Variants in CSMD1 observed in about 807,000 individuals in gnomAD.
The protein encoded by CSMD1 is CUB and sushi domain-containing protein 1.
CSMD1 carries 213 observed loss-of-function variants against 417.5 expected under a neutral mutation model. That is an observed-to-expected ratio of 0.51 (90% CI 0.46 to 0.57). The LOEUF (loss-of-function observed/expected upper bound fraction) is 0.57, where lower values mean the gene tolerates loss of function less well. CSMD1 is among the 20% of genes least tolerant of loss of function. CSMD1 has a pLI of 0.00. For missense variants in CSMD1, 6,923 were observed against 4,529.7 expected (o/e 1.53, Z -15.17); for synonymous variants, 2,862 against 1,736.8 (o/e 1.65, Z -16.11).
chr8:3,115,388 G>C (rs951519919), intron 42 of CSMD1, among the ~76,000 whole-genome samples: 3 of 152,100 alleles, frequency 2.0e-5, no homozygotes, highest in Non-Finnish European at 2.9e-5. Flanking sequence ...TTTTAGTAGA[G>C]TTGGGGTTTT....
intron 5 of CSMD1, among the ~76,000 whole-genome samples, chr8:3,824,240 A>G (rs979055020): frequency 4.0e-5 from 6 of 150,966 alleles, no homozygotes; most frequent in African/African-American, 7.4e-5. Flanking sequence ...GAAATTCCAA[A>G]AAAACAAAAA....
intron 1 of CSMD1, among the ~76,000 whole-genome samples, chr8:4,734,275 G>A (rs1379003356): frequency 1.3e-5 from 2 of 152,136 alleles, no homozygotes; most frequent in Admixed American, 6.5e-5. Context: ...TTTAAAAAAT[G>A]TGATATATTG....
Position 3,942,300 on chromosome 8 carries a change from C to T in CSMD1, c.818+55603G>A, listed in dbSNP as rs75039948. Among the ~76,000 whole-genome samples the T allele has an allele frequency of 7.6e-3, 1,155 of 152,130 alleles. 14 individuals are homozygous for T. The highest frequency in any genetic ancestry group is 0.026 in the African/African-American group (1,090 of 41,506). On this transcript the variant is annotated intron_variant, in intron 5 of 69. Transcript: ENST00000635120. ...CGCTTGAATCATCCTGAAACCAATCCCTCCTCTTCCAGTGGAAAAATTGTC... is the reference window on the plus strand; with the variant it reads ...CGCTTGAATCATCCTGAAACCAATCTCTCCTCTTCCAGTGGAAAAATTGTC...
At chr8:4,266,170 C>G (rs555711236) in intron 3 of CSMD1, among the ~76,000 whole-genome samples, 5 of 104,398 alleles carry the variant, frequency 4.8e-5, no homozygotes, top group South Asian at 3.8e-4. Context: ...CACCAAAAAC[C>G]CAGTGTTATT....
intron 1 of CSMD1, among the ~76,000 whole-genome samples, chr8:4,639,894 T>C (rs1214847475): frequency 2.6e-5 from 4 of 152,242 alleles, no homozygotes; most frequent in South Asian, 2.1e-4. Context: ...TAAATTTAAG[T>C]CCAATAATAA....
At chr8:4,909,201 C>T (rs1247242768) in intron 1 of CSMD1, among the ~76,000 whole-genome samples, 6 of 152,086 alleles carry the variant, frequency 3.9e-5, no homozygotes, top group African/African-American at 4.8e-5. Flanking sequence ...TGCAGGAGGC[C>T]TGTTGCTGTG....
intron 3 of CSMD1, among the ~76,000 whole-genome samples, chr8:4,330,687 T>G (rs1182401932): frequency 1.3e-5 from 2 of 152,132 alleles, no homozygotes; most frequent in African/African-American, 4.8e-5. Context: ...CTCCTAGGTG[T>G]TTGCTCAATT....
At chr8:4,155,413 A>T (rs1197729672) in intron 3 of CSMD1, among the ~76,000 whole-genome samples, 1 of 152,194 alleles carries the variant, frequency 6.6e-6, no homozygotes, top group East Asian at 1.9e-4. Flanking sequence ...TATAAATCAG[A>T]ACTTGCCTCT....
intron 8 of CSMD1, among the ~76,000 whole-genome samples, chr8:3,613,618 T>C (rs1402342086): frequency 6.6e-6 from 1 of 151,618 alleles, no homozygotes; most frequent in Non-Finnish European, 1.5e-5. Context: ...TAAGCCCTCA[T>C]ATTCACAAAA....
chr8:3,971,681 G>C (rs1452875698), intron 5 of CSMD1, among the ~76,000 whole-genome samples: 2 of 152,104 alleles, frequency 1.3e-5, no homozygotes, highest in African/African-American at 2.4e-5. Context: ...GTACTCAGAG[G>C]GAGAAAGGAT....
At chr8:4,349,137 G>T (rs894056693) in intron 3 of CSMD1, among the ~76,000 whole-genome samples, 10 of 152,144 alleles carry the variant, frequency 6.6e-5, no homozygotes, top group African/African-American at 1.9e-4. Context: ...GTCTGAATCC[G>T]AATACAGAGC....
At chr8:4,454,083 A>C (rs1799325032) in intron 2 of CSMD1, among the ~76,000 whole-genome samples, 3 of 151,920 alleles carry the variant, frequency 2.0e-5, no homozygotes, top group Admixed American at 2.0e-4. Flanking sequence ...CGGCCTCCCT[A>C]AGTGCTGGGA....
Position 4,855,270 on chromosome 8 carries a change from C to G in CSMD1, c.85+139062G>C, listed in dbSNP as rs182238196. Among the ~76,000 whole-genome samples the G allele has an allele frequency of 4.3e-3, 646 of 151,602 alleles. 5 individuals are homozygous for G. Among genetic ancestry groups the G allele is most frequent in the African/African-American group, 0.014 (596 of 41,468 alleles). On this transcript the variant is annotated intron_variant, in intron 1 of 69. Coordinates refer to ENST00000635120, the MANE Select transcript of CSMD1 (RefSeq NM_033225.6). ...ACATCAAAAACCCATCTGTACATAACCATCATCAAAGACCAAAAGTAGATA... is the reference window on the plus strand; with the variant it reads ...ACATCAAAAACCCATCTGTACATAAGCATCATCAAAGACCAAAAGTAGATA...
intron 1 of CSMD1, among the ~76,000 whole-genome samples, chr8:4,729,522 A>G (rs1263201278): frequency 2.0e-5 from 3 of 152,256 alleles, no homozygotes; most frequent in African/African-American, 7.2e-5. Context: ...TGAAATACAC[A>G]TAATGCATTT....
intron 52 of CSMD1, among the ~76,000 whole-genome samples, chr8:3,009,222 T>C (rs1224156930): frequency 6.6e-6 from 1 of 152,182 alleles, no homozygotes; most frequent in Non-Finnish European, 1.5e-5. Flanking sequence ...ACGTCTTCAG[T>C]GTGCAGGTTT....
chr8:3,523,940 GAC>G (rs1797633411), intron 10 of CSMD1, among the ~76,000 whole-genome samples: 1 of 139,464 alleles, frequency 7.2e-6, no homozygotes, highest in African/African-American at 2.8e-5. Flanking sequence ...TGCACACTCA[GAC>G]ACGTGCATAC....
Position 4,108,093 on chromosome 8 carries a change from G to A in CSMD1, c.416-75994C>T, listed in dbSNP as rs183414214. On this transcript the variant is annotated intron_variant, in intron 3 of 69. Transcript: ENST00000635120. Reference sequence around the variant, plus strand: ...AGAGACAGAGAGAGAGACAGAGAGAGAACAAGAAAAAGACGGAGGAGGAGG... The same window carrying A: ...AGAGACAGAGAGAGAGACAGAGAGAAAACAAGAAAAAGACGGAGGAGGAGG... Among the ~76,000 whole-genome samples the A allele has an allele frequency of 7.4e-3, 1,123 of 151,696 alleles. 4 individuals are homozygous for A. Among genetic ancestry groups the A allele is most frequent in the Non-Finnish European group, 0.012 (809 of 67,910 alleles).
At chr8:3,920,083 G>C (rs1809124536) in intron 5 of CSMD1, among the ~76,000 whole-genome samples, 2 of 151,710 alleles carry the variant, frequency 1.3e-5, no homozygotes, top group African/African-American at 4.8e-5. Flanking sequence ...GCCCTGGCTA[G>C]ACTGCAGTGG....
At chr8:4,451,553 G>A (rs1412979228) in intron 2 of CSMD1, among the ~76,000 whole-genome samples, 1 of 151,980 alleles carries the variant, frequency 6.6e-6, no homozygotes, top group African/African-American at 2.4e-5. Flanking sequence ...AAAGGTAAAG[G>A]GTGAGCGATA....
Sources: gnomAD v4.1 joint callset for allele counts (sites outside exome capture counted in the v4.1 genomes callset) on GRCh38, gnomAD v4.1.1 for gene constraint, MANE v1.5 for transcripts, NCBI Gene and HGNC (gene_info 2026-07-23, HGNC 2026-07-21) for gene names.